Variants in PRICKLE1 observed in about 807,000 individuals in gnomAD.
PRICKLE1 encodes the protein prickle-like protein 1.
A neutral mutation model predicts 70.2 loss-of-function variants in PRICKLE1; 14 were observed. The observed-to-expected ratio is 0.20, with a 90% CI of 0.13 to 0.31. The LOEUF (loss-of-function observed/expected upper bound fraction) is 0.31. Ranked by LOEUF, PRICKLE1 falls within the 10% of genes least tolerant of loss-of-function variation. The pLI is 1.00. For missense variants in PRICKLE1, 821 were observed against 1,026.2 expected (o/e 0.80, Z 2.73); for synonymous variants, 357 against 379.9 (o/e 0.94, Z 0.70).
At chr12:42,498,394 G>A (rs1203418783) in intron 1 of PRICKLE1, among the ~76,000 whole-genome samples, 2 of 149,650 alleles carry the variant, frequency 1.3e-5, no homozygotes, top group Non-Finnish European at 1.5e-5. Flanking sequence ...GCCTGGTATC[G>A]AACTCCTGGC....
intron 1 of PRICKLE1, among the ~76,000 whole-genome samples, chr12:42,587,277 A>G (rs527475875): frequency 6.6e-6 from 1 of 152,346 alleles, no homozygotes; most frequent in South Asian, 2.1e-4. Context: ...ATTCAGTTGC[A>G]TCAATATGTC....
At chr12:42,541,083 C>T (rs768948379) in intron 1 of PRICKLE1, among the ~76,000 whole-genome samples, 9 of 152,022 alleles carry the variant, frequency 5.9e-5, no homozygotes, top group Admixed American at 2.6e-4. Context: ...AACTGAAGTA[C>T]AATTTCAAGA....
At chr12:42,527,778 G>GA (rs1380875539) in intron 1 of PRICKLE1, among the ~76,000 whole-genome samples, 3 of 151,036 alleles carry the variant, frequency 2.0e-5, no homozygotes, top group South Asian at 2.1e-4. Flanking sequence ...GGAATTAAAA[G>GA]AAAAAAAATT....
chr12:42,542,241 G>C (rs1047667593), intron 1 of PRICKLE1, among the ~76,000 whole-genome samples: 1 of 151,470 alleles, frequency 6.6e-6, no homozygotes, highest in Non-Finnish European at 1.5e-5. Context: ...TGTGGTCTTT[G>C]GTTTTTTTTT....
chr12:42,551,257 G>A (rs1940311062), intron 1 of PRICKLE1, among the ~76,000 whole-genome samples: 1 of 152,186 alleles, frequency 6.6e-6, no homozygotes. Flanking sequence ...TCACACATCA[G>A]AATGTTGAGG....
At chr12:42,506,244 C>T (rs78791818) in intron 1 of PRICKLE1, among the ~76,000 whole-genome samples, 3,723 of 106,102 alleles carry the variant, frequency 0.035, 232 homozygotes, top group Admixed American at 0.12. Context: ...AAAAAATGTT[C>T]TTTTTTCTTT....
intron 1 of PRICKLE1, among the ~76,000 whole-genome samples, chr12:42,488,717 C>G (rs75624926): frequency 6.6e-6 from 1 of 152,092 alleles, no homozygotes; most frequent in South Asian, 2.1e-4. Context: ...CCCCAGTATA[C>G]AGTATAATCA....
intron 1 of PRICKLE1, among the ~76,000 whole-genome samples, chr12:42,538,641 C>T (rs2120585378): frequency 6.6e-6 from 1 of 152,250 alleles, no homozygotes; most frequent in African/African-American, 2.4e-5. Flanking sequence ...AGAGTTAATA[C>T]CATATGGTTT....
chr12:42,466,736 A>G (rs1938109784), intron 5 of PRICKLE1, among the ~76,000 whole-genome samples: 1 of 151,850 alleles, frequency 6.6e-6, no homozygotes, highest in South Asian at 2.1e-4. Flanking sequence ...ATTTAGTGAA[A>G]TAATTTGGTG....
At chr12:42,564,726 A>C (rs2120723306) in intron 1 of PRICKLE1, among the ~76,000 whole-genome samples, 1 of 152,354 alleles carries the variant, frequency 6.6e-6, no homozygotes, top group South Asian at 2.1e-4. Flanking sequence ...ACTTAGTTCT[A>C]AAAGAATGTA....
At chr12:42,521,673 C>G (rs1423542275) in intron 1 of PRICKLE1, among the ~76,000 whole-genome samples, 1 of 151,900 alleles carries the variant, frequency 6.6e-6, no homozygotes, top group Middle Eastern at 3.4e-3. Flanking sequence ...TGCACTCCAG[C>G]TTGGGTGACA....
chr12:42,461,319 C>T (rs1937825630), intron 7 of PRICKLE1, among the ~76,000 whole-genome samples: 2 of 152,202 alleles, frequency 1.3e-5, no homozygotes, highest in Admixed American at 1.3e-4. Flanking sequence ...GCTTCTGCTC[C>T]TCAATTCATT....
intron 1 of PRICKLE1, among the ~76,000 whole-genome samples, chr12:42,517,951 A>G (rs1055780146): frequency 6.6e-6 from 1 of 151,954 alleles, no homozygotes; most frequent in African/African-American, 2.4e-5. Context: ...AAGGTCTCAG[A>G]ATGTCTCTCC....
At chr12:42,493,127 ATAGT>A (rs1218660165) in intron 1 of PRICKLE1, among the ~76,000 whole-genome samples, 1 of 152,200 alleles carries the variant, frequency 6.6e-6, no homozygotes, top group Non-Finnish European at 1.5e-5. Flanking sequence ...AGAAATCTCA[ATAGT>A]TAGGAAGAAT....
In PRICKLE1 at chr12:42,459,695, C is replaced by A; in HGVS notation, c.*114G>T. On this transcript the variant is annotated 3_prime_UTR_variant, in exon 8 of 8. Coordinates refer to ENST00000345127, the MANE Select transcript of PRICKLE1 (RefSeq NM_153026.3). Reference sequence around the variant, plus strand: ...TAAACAGCAGTTGAGTTCTCATTTACATGGGCAAAGAAAGCACTTTAAACT... The same window carrying A: ...TAAACAGCAGTTGAGTTCTCATTTAAATGGGCAAAGAAAGCACTTTAAACT... 1 of 1,245,468 alleles carries A rather than the reference C, an allele frequency of 8.0e-7. No homozygotes were observed. Among genetic ancestry groups the A allele is most frequent in the Non-Finnish European group, 1.2e-6 (1 of 859,634 alleles). The allele number at this position is 1,245,468 out of a possible 1,614,324, so 77.2% of individuals were successfully genotyped here.
At chr12:42,485,755 A>G (rs1318417395) in intron 1 of PRICKLE1, among the ~76,000 whole-genome samples, 3 of 152,248 alleles carry the variant, frequency 2.0e-5, no homozygotes, top group East Asian at 3.8e-4. Flanking sequence ...AATACTTCCA[A>G]CTACAAACTA....
chr12:42,576,307 A>C (rs1940805851), intron 1 of PRICKLE1, among the ~76,000 whole-genome samples: 1 of 152,250 alleles, frequency 6.6e-6, no homozygotes, highest in African/African-American at 2.4e-5. Context: ...CAAAAGATGA[A>C]AGGTTCTGTA....
At chr12:42,470,387 C>G (rs771877481) in intron 2 of PRICKLE1, 28 bp from the exon 3 acceptor site, 6 of 1,394,360 alleles carry the variant, frequency 4.3e-6, no homozygotes, top group Non-Finnish European at 6.1e-6. Flanking sequence ...AGAATGGCAT[C>G]AACATACAGA....
intron 1 of PRICKLE1, among the ~76,000 whole-genome samples, chr12:42,505,599 C>A (rs1306824420): frequency 6.6e-6 from 1 of 152,064 alleles, no homozygotes; most frequent in Admixed American, 6.6e-5. Context: ...CCATGTCCAG[C>A]TAATTTTTGT....
Sources: gnomAD v4.1 joint callset for allele counts (sites outside exome capture counted in the v4.1 genomes callset) on GRCh38, gnomAD v4.1.1 for gene constraint, MANE v1.5 for transcripts, NCBI Gene and HGNC (gene_info 2026-07-23, HGNC 2026-07-21) for gene names.